Variants in EFR3B observed in about 807,000 individuals in gnomAD.
EFR3B encodes EFR3 homolog B.
EFR3B carries 64 observed loss-of-function variants against 104.7 expected under a neutral mutation model. That is an observed-to-expected ratio of 0.61 (90% CI 0.50 to 0.75). EFR3B has a LOEUF of 0.75. EFR3B is among the 30% of genes least tolerant of loss of function. The pLI, the probability that EFR3B is intolerant of heterozygous loss-of-function variation, is 0.00. For synonymous variants in EFR3B, 385 were observed against 417.9 expected (o/e 0.92, Z 0.96); for missense variants, 750 against 1,078.5 (o/e 0.70, Z 4.27).
At chr2:25,102,030 T>C (rs1669443893) in intron 3 of EFR3B, among the ~76,000 whole-genome samples, 1 of 152,150 alleles carries the variant, frequency 6.6e-6, no homozygotes, top group Non-Finnish European at 1.5e-5. Flanking sequence ...AAATTTGGAG[T>C]TTGAGCTTAG....
At chr2:25,045,273 C>T (rs1667684292) in intron 1 of EFR3B, among the ~76,000 whole-genome samples, 3 of 152,192 alleles carry the variant, frequency 2.0e-5, no homozygotes, top group African/African-American at 7.2e-5. Flanking sequence ...CTCACCCCAG[C>T]TGTCTCCTCA....
intron 1 of EFR3B, among the ~76,000 whole-genome samples, chr2:25,086,540 A>C (rs1269998356): frequency 6.6e-6 from 1 of 152,072 alleles, no homozygotes; most frequent in Non-Finnish European, 1.5e-5. Context: ...TCATAGGCTT[A>C]TTTGCCACCT....
intron 1 of EFR3B, among the ~76,000 whole-genome samples, chr2:25,069,491 G>A (rs1227637947): frequency 1.3e-5 from 2 of 152,238 alleles, no homozygotes; most frequent in African/African-American, 4.8e-5. Flanking sequence ...GCTAGTGATA[G>A]AGTAGAAGAA....
chr2:25,140,112 A>G (rs1670622317), intron 16 of EFR3B, among the ~76,000 whole-genome samples: 1 of 152,180 alleles, frequency 6.6e-6, no homozygotes, highest in Admixed American at 6.5e-5. Flanking sequence ...CAGGAGTTCG[A>G]GACCAGCCTG....
intron 1 of EFR3B, chr2:25,080,494 C>T (rs1399332534): frequency 1.5e-5 from 7 of 471,416 alleles, no homozygotes; most frequent in East Asian, 7.3e-5. Context: ...GGGGTTTCAC[C>T]GTGTTGGCCA....
At chr2:25,096,932 G>A (rs1201859766) in intron 3 of EFR3B, among the ~76,000 whole-genome samples, 1 of 152,146 alleles carries the variant, frequency 6.6e-6, no homozygotes, top group African/African-American at 2.4e-5. Context: ...ATAAAATGAG[G>A]TTACATCCTG....
intron 1 of EFR3B, among the ~76,000 whole-genome samples, chr2:25,054,768 T>A (rs1667973883): frequency 6.6e-6 from 1 of 152,184 alleles, no homozygotes; most frequent in Non-Finnish European, 1.5e-5. Flanking sequence ...ACAGGGCTCC[T>A]GCAATACTGA....
rs368131445 is a variant in EFR3B, at chr2:25,141,361, G to A, written c.1855-5G>A. Reference sequence around the variant, plus strand: ...AGCTCTTATCTGATTCCTCCCAACCGCCAGGTGATAGAGACCAGGAAGAAA... The same window carrying A: ...AGCTCTTATCTGATTCCTCCCAACCACCAGGTGATAGAGACCAGGAAGAAA... On this transcript the variant is annotated splice_region_variant and splice_polypyrimidine_tract_variant and intron_variant, in intron 16 of 22. Transcript: ENST00000403714. 1.7e-5 allele frequency: 27 copies of A among 1,550,928 alleles called. No homozygotes were observed. Among genetic ancestry groups the A allele is most frequent in the South Asian group, 1.5e-4 (13 of 84,016 alleles).
In EFR3B at chr2:25,154,787, C is replaced by G. The variant is rs571291364; in HGVS notation, c.*447C>G. The G allele has an allele frequency of 1.6e-3, 262 of 160,446 alleles. 1 individual carries two copies. Among genetic ancestry groups the G allele is most frequent in the African/African-American group, 6.0e-3 (251 of 41,756 alleles). The allele number at this position is 160,446 out of a possible 1,614,324, so 9.9% of individuals were successfully genotyped here. A position where few individuals can be genotyped will look rare whatever the true frequency, so the allele number is the denominator to read the frequency against. On this transcript the variant is annotated 3_prime_UTR_variant, in exon 23 of 23. Transcript: ENST00000403714. This position sits in a 1 kb window ranked among gnomAD's most constrained non-coding sequence, Gnocchi z 4.1. ...CTGAGATGGGGATGGCTCTCTCCTC[C>G]CCAGCACTCCCCCTGCTCCCCGCCC...
intron 5 of EFR3B, among the ~76,000 whole-genome samples, chr2:25,127,360 T>C (rs1670196875): frequency 6.6e-6 from 1 of 152,000 alleles, no homozygotes; most frequent in South Asian, 2.1e-4. Flanking sequence ...AAAAAGCCAA[T>C]ACAAATAAAA....
intron 21 of EFR3B, among the ~76,000 whole-genome samples, chr2:25,152,392 G>A (rs1671037313): frequency 6.6e-6 from 1 of 152,230 alleles, no homozygotes; most frequent in African/African-American, 2.4e-5. Context: ...CACTGCGGAT[G>A]ACAGCTTCTT....
At chr2:25,147,002 C>T (rs1460252790) in intron 19 of EFR3B, 7 of 152,562 alleles carry the variant, frequency 4.6e-5, no homozygotes, top group Middle Eastern at 3.4e-3. Flanking sequence ...GGGCTGCTCT[C>T]GATCTCTCCC....
At chr2:25,098,468 A>G (rs180983594) in intron 3 of EFR3B, among the ~76,000 whole-genome samples, 2 of 152,260 alleles carry the variant, frequency 1.3e-5, no homozygotes, top group East Asian at 1.9e-4. Context: ...CACCCGCCCC[A>G]GATCAGATCT....
At chr2:25,053,228 C>G (rs1454130417) in intron 1 of EFR3B, among the ~76,000 whole-genome samples, 2 of 152,258 alleles carry the variant, frequency 1.3e-5, no homozygotes, top group East Asian at 3.8e-4. Context: ...TGGATCACTT[C>G]TCTCACTTCT....
intron 4 of EFR3B, among the ~76,000 whole-genome samples, chr2:25,104,441 T>C (rs995155313): frequency 1.1e-4 from 17 of 152,214 alleles, no homozygotes; most frequent in African/African-American, 3.6e-4. Flanking sequence ...CACCATCTAA[T>C]GTGTTTAGCG....
At chr2:25,126,851 CATA>C (rs1269281007) in intron 5 of EFR3B, among the ~76,000 whole-genome samples, 4 of 151,418 alleles carry the variant, frequency 2.6e-5, no homozygotes, top group Non-Finnish European at 5.9e-5. Context: ...TGACTTGAAA[CATA>C]GTAAAATATT....
chr2:25,096,613 C>T (rs1360432842), intron 3 of EFR3B, among the ~76,000 whole-genome samples: 2 of 152,172 alleles, frequency 1.3e-5, no homozygotes, highest in Non-Finnish European at 2.9e-5. Flanking sequence ...CCACACCTGC[C>T]GTAGACCCAC....
At position 25,101,438 on chromosome 2, in the gene EFR3B, C is replaced by G. The variant is rs574822114; in HGVS notation, c.213-2199C>G. ...AATCATGGCTCACTGCAGCCTCGAC[C>G]TCTCAGGCTCAAGCGATCCTCCCAC... On this transcript the variant is annotated intron_variant, in intron 3 of 22. Transcript: ENST00000403714. Among the ~76,000 whole-genome samples the G allele has an allele frequency of 1.1e-4, 16 of 152,314 alleles. No individual in the cohort carries two copies. In the South Asian group the frequency reaches 3.3e-3, roughly 32 times the overall value.
intron 2 of EFR3B, among the ~76,000 whole-genome samples, chr2:25,092,297 T>G (rs1178879226): frequency 6.6e-6 from 1 of 151,750 alleles, no homozygotes; most frequent in Non-Finnish European, 1.5e-5. Flanking sequence ...CTCGATATCC[T>G]GACCTTGTGA....
Sources: allele counts gnomAD v4.1 joint callset (sites outside exome capture counted in the v4.1 genomes callset), GRCh38; gene constraint gnomAD v4.1.1; non-coding constraint Gnocchi (gnomAD v3.1); transcripts MANE v1.5; gene names NCBI Gene and HGNC (gene_info 2026-07-23, HGNC 2026-07-21).